The following TMEM120B variants were observed in gnomAD, a reference collection of about 807,000 sequenced individuals.
TMEM120B encodes the protein transmembrane protein 120B.
In TMEM120B, 31 loss-of-function variants were observed where a neutral mutation model predicts 55.5. The observed-to-expected ratio is 0.56, with a 90% CI of 0.42 to 0.75. The LOEUF (loss-of-function observed/expected upper bound fraction) is 0.75, where lower values mean the gene tolerates loss of function less well. Among genes scored for constraint, TMEM120B ranks in the 30% least tolerant of loss-of-function variants. TMEM120B has a pLI of 0.00. For missense variants in TMEM120B, 399 were observed against 425.5 expected, an observed-to-expected ratio of 0.94 and a Z score of 0.55; for synonymous variants, 203 against 176.3, an observed-to-expected ratio of 1.15 and a Z score of -1.20.
intron 6 of TMEM120B, 146 bp downstream of exon 6, chr12:121,761,884 G>A: frequency 1.6e-6 from 1 of 619,632 alleles, no homozygotes; most frequent in East Asian, 2.8e-5. Flanking sequence ...CAGGAAGGAG[G>A]AAAGCTGATG....
At chr12:121,722,400 A>G (rs1173797200) in intron 1 of TMEM120B, among the ~76,000 whole-genome samples, 3 of 152,130 alleles carry the variant, frequency 2.0e-5, no homozygotes, top group Non-Finnish European at 2.9e-5. Flanking sequence ...CCCGGCCTCC[A>G]TTCTACATTT....
intron 6 of TMEM120B, 114 bp from the exon 7 acceptor site, chr12:121,770,793 A>G (rs1431652704): frequency 6.4e-6 from 6 of 944,368 alleles, no homozygotes; most frequent in Non-Finnish European, 1.0e-5. Context: ...TCTTACTCCA[A>G]GAAGCCGTCT....
intron 3 of TMEM120B, among the ~76,000 whole-genome samples, chr12:121,749,028 C>G (rs1241497605): frequency 6.6e-6 from 1 of 152,204 alleles, no homozygotes; most frequent in East Asian, 1.9e-4. Context: ...CTCATATCAT[C>G]ATGACCTGAC....
chr12:121,727,690 G>A (rs991951439), intron 1 of TMEM120B, among the ~76,000 whole-genome samples: 14 of 151,150 alleles, frequency 9.3e-5, no homozygotes, highest in Admixed American at 4.6e-4. Context: ...TGGCTAACAC[G>A]GTGAAACCCT....
At position 121,743,712 on chromosome 12, in the gene TMEM120B, G is replaced by T; in HGVS notation, c.153G>T (p.Lys51Asn). ...TLCSSSISKQKKHLKDLKLTL... is the reference protein window; with the variant it reads ...TLCSSSISKQNKHLKDLKLTL... ...GTAGCAGTTCCATCAGTAAGCAGAA[G>T]AAGCACCTCAAGGACTTGAAGCTTA... Residue 51 changes from lysine (K) to asparagine (N), a missense_variant, in exon 2 of 12, where the codon AAG (lysine) becomes AAT (asparagine). Lys to Asn is a moderately conservative substitution (Grantham distance 94). Transcript: ENST00000449592. 6.2e-7 allele frequency: 1 copy of T among 1,613,544 alleles called. No individual in the cohort carries two copies. Among genetic ancestry groups the T allele is most frequent in the South Asian group, 1.1e-5 (1 of 91,064 alleles).
chr12:121,752,420 T>C (rs761887610), intron 5 of TMEM120B, among the ~76,000 whole-genome samples, 197 bp downstream of exon 5: 5 of 152,160 alleles, frequency 3.3e-5, no homozygotes, highest in Non-Finnish European at 7.3e-5. Context: ...AAGTATCTGT[T>C]AAACGGCTGC....
At chr12:121,733,827 T>G (rs1895050651) in intron 1 of TMEM120B, among the ~76,000 whole-genome samples, 1 of 152,114 alleles carries the variant, frequency 6.6e-6, no homozygotes, top group Non-Finnish European at 1.5e-5. Flanking sequence ...TGTGAGCCAC[T>G]GCACCTGGCC....
chr12:121,764,494 C>A (rs1235056452), intron 6 of TMEM120B, among the ~76,000 whole-genome samples: 1 of 151,856 alleles, frequency 6.6e-6, no homozygotes, highest in East Asian at 1.9e-4. Flanking sequence ...GCACTCCAGC[C>A]TGGGCAACAA....
rs754035043 is a variant in TMEM120B, at chr12:121,775,572, A to G, written c.907-37A>G. ...TGGGGGCAGGGGTTCAGCAGGGCAG[A>G]TGCCCCAGCCTCGCCCTCCTCTCTG... is the stretch of plus-strand genomic sequence containing the variant. On this transcript the variant is annotated intron_variant, in intron 11 of 11. Transcript: ENST00000449592. This position sits in a 1 kb window ranked among gnomAD's most constrained non-coding sequence, Gnocchi z 4.3. The G allele has an allele frequency of 4.4e-6, 7 of 1,593,006 alleles. No homozygotes were observed. The South Asian group carries it at 7.9e-5, about 18-fold the overall frequency.
At chr12:121,730,036 A>G (rs1041597866) in intron 1 of TMEM120B, among the ~76,000 whole-genome samples, 6 of 151,980 alleles carry the variant, frequency 3.9e-5, no homozygotes, top group African/African-American at 1.2e-4. Context: ...TGAGGTGGGC[A>G]GATCATGAGG....
chr12:121,722,840 T>TA (rs1275980551), intron 1 of TMEM120B, among the ~76,000 whole-genome samples: 3 of 131,798 alleles, frequency 2.3e-5, no homozygotes, highest in Admixed American at 9.7e-5. Flanking sequence ...GGCAGTTTTT[T>TA]AAATTTACTT....
rs865892200 is a variant in TMEM120B at position 121,754,544 on chromosome 12, C to T, written c.461+2321C>T. Among the ~76,000 whole-genome samples the T allele has an allele frequency of 4.6e-5, 7 of 152,274 alleles. No individual in the cohort carries two copies. In the South Asian group the frequency reaches 1.5e-3, roughly 32 times the overall value. On this transcript the variant is annotated intron_variant, in intron 5 of 11. Transcript: ENST00000449592. ...TCCACAGGCTTCGGGGAGGGAGGAC[C>T]CTTCCTCGCCTCTCCAGCTTCTGGG...
rs141576759 is a variant in TMEM120B, at chr12:121,774,889, C to T, written c.837+167C>T. Among the ~76,000 whole-genome samples the T allele has an allele frequency of 4.6e-4, 70 of 152,318 alleles. 2 individuals carry two copies. In the East Asian group the frequency reaches 0.011, roughly 25 times the overall value. ...AGGGATGCCAAGGCAGGAGCCAGAA[C>T]TGACCTAGCTCTGCCCTGGCCTCGG... On this transcript the variant is annotated intron_variant, in intron 10 of 11. Transcript: ENST00000449592.
intron 2 of TMEM120B, among the ~76,000 whole-genome samples, chr12:121,745,788 G>A (rs1341559054): frequency 1.3e-5 from 2 of 151,870 alleles, no homozygotes; most frequent in African/African-American, 4.8e-5. Context: ...GGGCTCAAGC[G>A]ATCCTCCCAC....
chr12:121,737,585 A>C (rs375839583), intron 1 of TMEM120B, among the ~76,000 whole-genome samples: 111 of 152,100 alleles, frequency 7.3e-4, no homozygotes, highest in African/African-American at 2.5e-3. Context: ...GGGGAGGGGC[A>C]ATGGCCTCTG....
intron 2 of TMEM120B, among the ~76,000 whole-genome samples, chr12:121,744,829 T>A (rs1273255432): frequency 6.6e-6 from 1 of 152,188 alleles, no homozygotes; most frequent in African/African-American, 2.4e-5. Context: ...TAGCTCTCAG[T>A]GTGGCTGGCC....
intron 6 of TMEM120B, among the ~76,000 whole-genome samples, chr12:121,767,876 G>C (rs1253452565): frequency 6.6e-6 from 1 of 152,216 alleles, no homozygotes; most frequent in Non-Finnish European, 1.5e-5. Context: ...TTGTTGCCTG[G>C]AGTCTGTGTC....
In TMEM120B at chr12:121,732,629, G is replaced by A. The variant is rs186695159; in HGVS notation, c.70-11000G>A. On this transcript the variant is annotated intron_variant, in intron 1 of 11. Transcript: ENST00000449592. Reference sequence around the variant, plus strand: ...ATGTGGACAGCTGTTATATGCTGTGGGTGGGACTATAAATTGGTATAGCTA... The same window carrying A: ...ATGTGGACAGCTGTTATATGCTGTGAGTGGGACTATAAATTGGTATAGCTA... 9.4e-4 allele frequency among the ~76,000 whole-genome samples: 143 copies of A among 152,260 alleles called. 2 individuals carry two copies. Among genetic ancestry groups the A allele is most frequent in the African/African-American group, 3.2e-3 (133 of 41,552 alleles).
intron 6 of TMEM120B, among the ~76,000 whole-genome samples, chr12:121,763,788 A>G (rs1433564103): frequency 3.9e-5 from 6 of 152,056 alleles, no homozygotes; most frequent in Non-Finnish European, 8.8e-5. Flanking sequence ...AAAAAGTAAC[A>G]AGCTCCTGCT....
Sources: allele counts gnomAD v4.1 joint callset (sites outside exome capture counted in the v4.1 genomes callset), GRCh38; gene constraint gnomAD v4.1.1; non-coding constraint Gnocchi (gnomAD v3.1); transcripts MANE v1.5; gene names NCBI Gene and HGNC (gene_info 2026-07-23, HGNC 2026-07-21).